RNF128: variants seen among roughly 807,000 people sequenced by gnomAD.
RNF128 encodes the protein E3 ubiquitin-protein ligase RNF128.
Under a neutral mutation model 26.2 loss-of-function variants are expected in RNF128, and 13 were observed. The observed-to-expected ratio is 0.50, with a 90% CI of 0.32 to 0.79. RNF128 has a LOEUF of 0.79. Among genes scored for constraint, RNF128 ranks in the 30% least tolerant of loss-of-function variants. The pLI, the probability that RNF128 is intolerant of heterozygous loss-of-function variation, is 0.03. For missense variants in RNF128, 315 were observed against 349.7 expected (o/e 0.90, Z 0.79); for synonymous variants, 149 against 142.5 (o/e 1.05, Z -0.32).
At position 106,796,211 on chromosome X, in the gene RNF128, TTTAAG is replaced by T. The variant is rs1389172721; in HGVS notation, c.*503_*507del. 1 of 112,382 alleles carries T rather than the reference TTTAAG, an allele frequency of 8.9e-6. No homozygotes were observed. The highest frequency in any genetic ancestry group is 3.2e-5 in the African/African-American group (1 of 30,947). 9.3% of individuals were successfully genotyped at this position (112,382 alleles called of 1,213,427 possible). ...TTCTTGAAATGTCTATTTAAGCTGC[TTTAAG>T]TTAATAGAAAAGATTAAAGCAAAAT... On this transcript the variant is annotated 3_prime_UTR_variant, in exon 7 of 7. Coordinates refer to ENST00000255499, the MANE Select transcript of RNF128 (RefSeq NM_194463.2).
intron 1 of RNF128, among the ~76,000 whole-genome samples, chrX:106,720,960 C>T (rs1929300319): frequency 9.0e-6 from 1 of 111,306 alleles, no homozygotes; most frequent in Non-Finnish European, 1.9e-5. Context: ...TTTGTAAAGC[C>T]ACTCTCTGTA....
At chrX:106,733,652 T>A (rs1929538674) in intron 1 of RNF128, among the ~76,000 whole-genome samples, 1 of 111,824 alleles carries the variant, frequency 8.9e-6, no homozygotes, top group Non-Finnish European at 1.9e-5. Flanking sequence ...TGAAAAAAGA[T>A]ATACAAATCT....
chrX:106,728,678 A>G (rs1032915295), intron 1 of RNF128, among the ~76,000 whole-genome samples: 3 of 111,496 alleles, frequency 2.7e-5, no homozygotes, highest in East Asian at 2.8e-4. Context: ...AGAACACTGA[A>G]TTGGAACTCA....
chrX:106,784,955 T>C, intron 2 of RNF128, 110 bp from the exon 3 acceptor site: 2 of 528,836 alleles, frequency 3.8e-6, no homozygotes, highest in Non-Finnish European at 3.0e-6. Flanking sequence ...TTAAAATTGA[T>C]TTGTACATTG....
chrX:106,786,942 T>C (rs982762120), intron 3 of RNF128, among the ~76,000 whole-genome samples: 1 of 111,371 alleles, frequency 9.0e-6, no homozygotes, highest in African/African-American at 3.3e-5. Flanking sequence ...TGCATACAAC[T>C]GAAAATACCA....
rs1180975040 is a variant in RNF128 at position 106,726,852 on chromosome X, T to A, written c.-62T>A. On this transcript the variant is annotated 5_prime_UTR_variant, in exon 1 of 7. Coordinates refer to ENST00000255499, the MANE Select transcript of RNF128 (RefSeq NM_194463.2). ...GGCGCGCACCTGCTCAAGACCAGGG[T>A]CCTGCCAAGCGCTAGGAGGGCGCGT... The A allele has an allele frequency of 3.2e-5, 36 of 1,112,285 alleles. No homozygotes were observed. The highest frequency in any genetic ancestry group is 4.1e-5 in the Non-Finnish European group (35 of 852,976). The allele number at this position is 1,112,285 out of a possible 1,213,427, so 91.7% of individuals were successfully genotyped here. A position where few individuals can be genotyped will look rare whatever the true frequency, so the allele number is the denominator to read the frequency against.
At chrX:106,709,774 G>A (rs1330045231) in intron 1 of RNF128, among the ~76,000 whole-genome samples, 1 of 111,247 alleles carries the variant, frequency 9.0e-6, no homozygotes, top group East Asian at 2.8e-4. Flanking sequence ...TCGAACTCTC[G>A]ACCTCAGGTG....
At chrX:106,788,657 T>C (rs1430534969) in intron 4 of RNF128, among the ~76,000 whole-genome samples, 1 of 64,944 alleles carries the variant, frequency 1.5e-5, no homozygotes, top group Non-Finnish European at 2.5e-5. Flanking sequence ...TATATAATTA[T>C]ATATACTATA....
chrX:106,698,733 A>C (rs1199271111), intron 1 of RNF128, among the ~76,000 whole-genome samples: 2 of 111,395 alleles, frequency 1.8e-5, no homozygotes, highest in East Asian at 5.7e-4. Flanking sequence ...TGTAAGCCAA[A>C]GTGGCTTTTT....
At chrX:106,766,666 C>A (rs1405742114) in intron 1 of RNF128, among the ~76,000 whole-genome samples, 1 of 111,722 alleles carries the variant, frequency 9.0e-6, no homozygotes, top group Non-Finnish European at 1.9e-5. Flanking sequence ...CTGTAGGTTG[C>A]CTGTTCACTC....
chrX:106,749,668 G>A (rs1278624347), intron 1 of RNF128, among the ~76,000 whole-genome samples: 1 of 111,903 alleles, frequency 8.9e-6, no homozygotes, highest in African/African-American at 3.2e-5. Flanking sequence ...CTCTTTAGGA[G>A]GCCATGGTGG....
At chrX:106,748,365 C>T (rs1396147492) in intron 1 of RNF128, among the ~76,000 whole-genome samples, 4 of 112,119 alleles carry the variant, frequency 3.6e-5, no homozygotes, top group African/African-American at 1.3e-4. Flanking sequence ...ATAAGCAAAA[C>T]TCAGCAACAT....
intron 1 of RNF128, among the ~76,000 whole-genome samples, chrX:106,714,083 C>G (rs1162540082): frequency 1.9e-5 from 2 of 106,603 alleles, no homozygotes; most frequent in Non-Finnish European, 3.9e-5. Context: ...GAGGCTGAGG[C>G]GGGAGAATGG....
rs758373337 is a variant in RNF128, at chrX:106,708,600, A to G, written c.406+14192A>G. 2.7e-5 allele frequency among the ~76,000 whole-genome samples: 3 copies of G among 111,965 alleles called. No individual in the cohort carries two copies. The South Asian group carries it at 1.1e-3, about 41-fold the overall frequency. On this transcript the variant is annotated intron_variant, in intron 1 of 6. Coordinates refer to the RNF128 transcript ENST00000324342. ...TTATTAAGTGCTTTCAGAGAAAGAA[A>G]CTCTTTTAAGTAGTATATAGAAGCA...
intron 1 of RNF128, among the ~76,000 whole-genome samples, chrX:106,753,165 C>T (rs770685023): frequency 9.0e-6 from 1 of 111,566 alleles, no homozygotes. Flanking sequence ...TATTATAACA[C>T]TGTAGTTGTG....
intron 1 of RNF128, among the ~76,000 whole-genome samples, chrX:106,717,341 A>G (rs1929235297): frequency 8.9e-6 from 1 of 112,389 alleles, no homozygotes. Context: ...GACTAAAATC[A>G]ATTAGAAGGC....
At chrX:106,754,250 C>T (rs1602379635) in intron 1 of RNF128, among the ~76,000 whole-genome samples, 1 of 108,487 alleles carries the variant, frequency 9.2e-6, no homozygotes, top group East Asian at 2.9e-4. Context: ...GACAAGTTCT[C>T]ACTCTGTTGC....
exon 1 of RNF128, chrX:106,693,854 C>A: frequency 2.1e-6 from 1 of 465,871 alleles, no homozygotes; most frequent in Non-Finnish European, 3.7e-6. Context: ...CTGATGTATC[C>A]AGAGGTTATG....
intron 1 of RNF128, among the ~76,000 whole-genome samples, chrX:106,740,499 A>G (rs1929685397): frequency 8.9e-6 from 1 of 112,086 alleles, no homozygotes; most frequent in African/African-American, 3.2e-5. Context: ...TCCTAAATAA[A>G]CAATTGAATA....
Sources: gnomAD v4.1 joint callset for allele counts (sites outside exome capture counted in the v4.1 genomes callset) on GRCh38, gnomAD v4.1.1 for gene constraint, MANE v1.5 for transcripts, NCBI Gene and HGNC (gene_info 2026-07-23, HGNC 2026-07-21) for gene names.